Variants in VSTM4 observed in about 807,000 individuals in gnomAD.
VSTM4 encodes V-set and transmembrane domain containing 4, also known as V-set and transmembrane domain-containing protein 4.
A neutral mutation model predicts 36.4 loss-of-function variants in VSTM4; 20 were observed. The ratio of observed to expected loss-of-function variants is 0.55; its 90% CI spans 0.39 to 0.80. The LOEUF (loss-of-function observed/expected upper bound fraction) is 0.80. VSTM4 is among the 30% of genes least tolerant of loss of function. The pLI is 0.00. For missense variants in VSTM4, 392 were observed against 404.5 expected, an observed-to-expected ratio of 0.97 and a Z score of 0.26; for synonymous variants, 182 against 173.9, an observed-to-expected ratio of 1.05 and a Z score of -0.37.
At chr10:49,020,455 A>G (rs1329688398) in intron 7 of VSTM4, among the ~76,000 whole-genome samples, 1 of 152,150 alleles carries the variant, frequency 6.6e-6, no homozygotes, top group Non-Finnish European at 1.5e-5. Context: ...AGTAAAACAG[A>G]TAAACTGAAA....
At chr10:49,027,353 C>A (rs1469676815) in intron 7 of VSTM4, among the ~76,000 whole-genome samples, 2 of 152,230 alleles carry the variant, frequency 1.3e-5, no homozygotes, top group African/African-American at 4.8e-5. Context: ...CAGGCATGTT[C>A]ACCAACATGT....
intron 5 of VSTM4, among the ~76,000 whole-genome samples, chr10:49,055,615 T>A (rs1194533524): frequency 6.6e-6 from 1 of 152,232 alleles, no homozygotes; most frequent in Non-Finnish European, 1.5e-5. Context: ...AGTTTCCTAA[T>A]GTCTTGCCTT....
intron 5 of VSTM4, among the ~76,000 whole-genome samples, chr10:49,058,650 G>C (rs1387558214): frequency 6.6e-6 from 1 of 152,188 alleles, no homozygotes. Context: ...TTCAAGATGA[G>C]ATTTATTTTC....
chr10:49,019,750 G>A lies in VSTM4; in HGVS notation c.863C>T (p.Thr288Ile). ...TTTGATCAGCTCCAGTTCGGCATAGGTTAAGTTTTCCTCAGCAATCTTTGG... is the reference window on the plus strand; with the variant it reads ...TTTGATCAGCTCCAGTTCGGCATAGATTAAGTTTTCCTCAGCAATCTTTGG... ...TLPKIAEENL[T>I]YAELELIKPH... is the part of the protein sequence containing the mutation. Residue 288 changes from threonine (T) to isoleucine (I), a missense_variant, in exon 8 of 8, where the codon ACC (threonine) becomes ATC (isoleucine). Transcript: ENST00000332853. 6.2e-7 allele frequency: 1 copy of A among 1,613,028 alleles called. No individual in the cohort carries two copies. Among genetic ancestry groups the A allele is most frequent in the Non-Finnish European group, 8.5e-7 (1 of 1,179,642 alleles).
At chr10:49,033,659 A>G (rs1843380665) in intron 7 of VSTM4, among the ~76,000 whole-genome samples, 1 of 152,220 alleles carries the variant, frequency 6.6e-6, no homozygotes, top group Non-Finnish European at 1.5e-5. Context: ...TGCAGTGGGG[A>G]AGAACAGGGA....
chr10:49,108,010 G>A lies in VSTM4; in HGVS notation c.56-15C>T. ...CGCACAGACCTCTGCAGAGAAAAAG[G>A]GGAGAAGAGAGGATGAGGAGGGCCC... On this transcript the variant is annotated splice_polypyrimidine_tract_variant and intron_variant, in intron 1 of 7. Coordinates refer to ENST00000332853, the MANE Select transcript of VSTM4 (RefSeq NM_001031746.5). 1 of 1,542,552 alleles carries A rather than the reference G, an allele frequency of 6.5e-7. No individual in the cohort carries two copies. The highest frequency in any genetic ancestry group is 8.8e-7 in the Non-Finnish European group (1 of 1,139,962).
intron 5 of VSTM4, 188 bp downstream of exon 5, chr10:49,064,515 G>C (rs928388602): frequency 1.5e-6 from 1 of 652,526 alleles, no homozygotes; most frequent in Non-Finnish European, 2.6e-6. Flanking sequence ...GGATCCCTGG[G>C]GGTGAAAACC....
Position 49,107,739 on chromosome 10 carries a change from C to T in VSTM4, c.312G>A (p.Glu104=), listed in dbSNP as rs141990292. ...AGAGCCTGTAGAGCGCCCCCCGCTG[C>T]TCCTCCAGCAGGCGCAGCCTCCGCC... ...AKRRRLRLLE[E]QRGALYRLSV... Residue 104 remains glutamate (E), a synonymous_variant, in exon 2 of 8, where the codon GAG becomes GAA. Coordinates refer to ENST00000332853, the MANE Select transcript of VSTM4 (RefSeq NM_001031746.5). 37 of 1,614,100 alleles carry T rather than the reference C, an allele frequency of 2.3e-5. No individual in the cohort carries two copies. In the African/African-American group the frequency reaches 3.9e-4, roughly 17 times the overall value.
chr10:49,014,416 C>T lies in VSTM4; in HGVS notation c.*5234G>A, dbSNP rs968097916. The T allele has an allele frequency of 2.6e-5, 4 of 152,166 alleles. No homozygotes were observed. Among genetic ancestry groups the T allele is most frequent in the South Asian group, 2.1e-4 (1 of 4,826 alleles). 9.4% of individuals were successfully genotyped at this position (152,166 alleles called of 1,614,324 possible). A position where few individuals can be genotyped will look rare whatever the true frequency, so the allele number is the denominator to read the frequency against. ...GTTTATTAGAAATTGGGCACCAAGT[C>T]GTCTTTCACCAGTGACAACAGAAGG... is the stretch of plus-strand genomic sequence containing the variant. On this transcript the variant is annotated 3_prime_UTR_variant, in exon 8 of 8. Transcript: ENST00000332853.
Position 49,082,674 on chromosome 10 carries a change from A to G in VSTM4, c.526+3281T>C, listed in dbSNP as rs190552781. ...TGGACAACAAGAGCAAAACTCCATC[A>G]AAAACAAAAGGAAAAGAAAAAAAAA... On this transcript the variant is annotated intron_variant, in intron 3 of 7. Coordinates refer to ENST00000332853, the MANE Select transcript of VSTM4 (RefSeq NM_001031746.5). 2.8e-3 allele frequency among the ~76,000 whole-genome samples: 432 copies of G among 152,318 alleles called. 3 individuals are homozygous for G. Among genetic ancestry groups the G allele is most frequent in the African/African-American group, 9.6e-3 (398 of 41,570 alleles).
At chr10:49,101,737 C>G (rs1166736953) in intron 2 of VSTM4, among the ~76,000 whole-genome samples, 1 of 152,194 alleles carries the variant, frequency 6.6e-6, no homozygotes, top group Non-Finnish European at 1.5e-5. Flanking sequence ...CAGCAATTCC[C>G]TTTCCAGGAA....
chr10:49,090,010 G>T (rs903564556), intron 2 of VSTM4, among the ~76,000 whole-genome samples: 3 of 152,242 alleles, frequency 2.0e-5, no homozygotes, highest in Admixed American at 1.3e-4. Context: ...CAACCTTCAA[G>T]TGTGGAGTGG....
At chr10:49,090,832 G>C (rs768898759) in intron 2 of VSTM4, among the ~76,000 whole-genome samples, 2 of 152,212 alleles carry the variant, frequency 1.3e-5, no homozygotes, top group Non-Finnish European at 2.9e-5. Context: ...CACCCCAGCT[G>C]CTGGGAGTGA....
intron 7 of VSTM4, among the ~76,000 whole-genome samples, chr10:49,021,760 G>A (rs1843184913): frequency 6.6e-6 from 1 of 152,094 alleles, no homozygotes; most frequent in Non-Finnish European, 1.5e-5. Flanking sequence ...GTCTTTCTTG[G>A]TACAAGCAAA....
At chr10:49,115,374 C>G in intron 1 of VSTM4, 57 bp downstream of exon 1, 1 of 987,942 alleles carries the variant, frequency 1.0e-6, no homozygotes, top group Non-Finnish European at 1.2e-6. Flanking sequence ...CCGGCCTCCC[C>G]GGCGCGGCCG....
In VSTM4 at chr10:49,073,539, C is replaced by T. The variant is rs193119193; in HGVS notation, c.634+3680G>A. Among the ~76,000 whole-genome samples, 1,106 of 152,330 alleles carry T rather than the reference C, an allele frequency of 7.3e-3. 11 individuals are homozygous for T. The highest frequency in any genetic ancestry group is 0.01 in the Non-Finnish European group (710 of 68,024). The stretch of plus-strand genomic sequence containing the variant: ...TTGCACCATGACTCCCTTGTTGAGC[C>T]TGTCTCAGGGGGTCCCAGAGGCCTT... On this transcript the variant is annotated intron_variant, in intron 4 of 7. Transcript: ENST00000332853.
At chr10:49,085,062 G>A (rs181912202) in intron 3 of VSTM4, among the ~76,000 whole-genome samples, 2 of 152,358 alleles carry the variant, frequency 1.3e-5, no homozygotes, top group Admixed American at 6.5e-5. Flanking sequence ...CTGCCCTAAG[G>A]CCCAAACCTG....
chr10:49,074,869 CACTCCA>C (rs1372228582), intron 4 of VSTM4, among the ~76,000 whole-genome samples: 1 of 152,166 alleles, frequency 6.6e-6, no homozygotes, highest in African/African-American at 2.4e-5. Context: ...GTTGCTTCCA[CACTCCA>C]GCAGTTGAGA....
chr10:49,054,898 A>G (rs1291600575), intron 5 of VSTM4, among the ~76,000 whole-genome samples: 2 of 151,804 alleles, frequency 1.3e-5, no homozygotes, highest in Admixed American at 1.3e-4. Flanking sequence ...ACTTTCACAA[A>G]TCCAGCCATC....
Sources: allele counts gnomAD v4.1 joint callset (sites outside exome capture counted in the v4.1 genomes callset), GRCh38; gene constraint gnomAD v4.1.1; transcripts MANE v1.5; gene names NCBI Gene and HGNC (gene_info 2026-07-23, HGNC 2026-07-21).